The following TRUB2 variants were observed in gnomAD, a reference collection of about 807,000 sequenced individuals.
TRUB2 encodes the protein pseudouridylate synthase TRUB2, mitochondrial.
TRUB2 carries 31 observed loss-of-function variants against 31.9 expected under a neutral mutation model. The ratio of observed to expected loss-of-function variants is 0.97; its 90% CI spans 0.73 to 1.31. The LOEUF is 1.31. TRUB2 is among the 50% of genes most tolerant of loss of function. The pLI is 0.00. For synonymous variants in TRUB2, 201 were observed against 182.6 expected (o/e 1.10, Z -0.81); for missense variants, 451 against 439.6 (o/e 1.03, Z -0.23).
chr9:128,315,408 GTTA>G (rs548616078), intron 4 of TRUB2, among the ~76,000 whole-genome samples, 156 bp downstream of exon 4: 137 of 152,202 alleles, frequency 9.0e-4, no homozygotes, highest in Non-Finnish European at 1.7e-3. Flanking sequence ...AGTTATTATT[GTTA>G]TTATTATTAC....
intron 4 of TRUB2, 79 bp from the exon 5 acceptor site, chr9:128,313,968 G>T: frequency 7.3e-7 from 1 of 1,375,722 alleles, no homozygotes; most frequent in Non-Finnish European, 1.0e-6. Flanking sequence ...AGCTGGGGGT[G>T]GGGGGTCCTC....
chr9:128,314,714 C>T (rs548889529), intron 4 of TRUB2, among the ~76,000 whole-genome samples: 4 of 152,086 alleles, frequency 2.6e-5, no homozygotes, highest in Admixed American at 1.3e-4. Flanking sequence ...CCACTGAGCC[C>T]GGCCACAATT....
chr9:128,322,138 G>A (rs191954437), intron 1 of TRUB2, among the ~76,000 whole-genome samples, 162 bp downstream of exon 1: 13 of 152,352 alleles, frequency 8.5e-5, no homozygotes, highest in Admixed American at 3.3e-4. Context: ...TCGGAAAACA[G>A]AGGAAAGTGA....
chr9:128,318,342 C>T (rs1000453421), intron 2 of TRUB2, among the ~76,000 whole-genome samples: 10 of 151,894 alleles, frequency 6.6e-5, no homozygotes, highest in Admixed American at 2.0e-4. Flanking sequence ...CAGAGCAAGA[C>T]TCTGTCAAAT....
intron 4 of TRUB2, 30 bp downstream of exon 4, chr9:128,315,537 G>T (rs2131449516): frequency 1.2e-6 from 2 of 1,608,606 alleles, no homozygotes; most frequent in Non-Finnish European, 1.7e-6. Flanking sequence ...AGGACCAAGG[G>T]AGAAGCAGGC....
At chr9:128,315,503 A>C (rs1308632898) in intron 4 of TRUB2, 64 bp downstream of exon 4, 1 of 1,544,710 alleles carries the variant, frequency 6.5e-7, no homozygotes, top group Non-Finnish European at 8.8e-7. Flanking sequence ...TAAGCTTCAG[A>C]ATCCTGCTGG....
At chr9:128,315,961 T>A (rs188587542) in intron 3 of TRUB2, 91 of 327,776 alleles carry the variant, frequency 2.8e-4, no homozygotes, top group Admixed American at 1.6e-3. Context: ...CAGCTCTGAG[T>A]ATAATCTTTA....
rs1467836442 is a variant in TRUB2 at position 128,308,056 on chromosome 9, CCT to C, written c.*1492_*1493del. On this transcript the variant is annotated 3_prime_UTR_variant, in exon 8 of 8. Transcript: ENST00000372890. The stretch of plus-strand genomic sequence containing the variant: ...ACCAGCCTGGCCAACATGGTGAAAC[CCT>C]GTCTCTACTAAAAATACAAAAATTA... 2 of 151,922 alleles carry C rather than the reference CCT, an allele frequency of 1.3e-5. No individual in the cohort carries two copies. Among genetic ancestry groups the C allele is most frequent in the Non-Finnish European group, 2.9e-5 (2 of 68,062 alleles). The allele number at this position is 151,922 out of a possible 1,614,324, so 9.4% of individuals were successfully genotyped here.
At chr9:128,311,413 G>C (rs1246532925) in intron 6 of TRUB2, 116 bp downstream of exon 6, 2 of 1,067,924 alleles carry the variant, frequency 1.9e-6, no homozygotes, top group East Asian at 2.4e-5. Context: ...GGTAGCTCCC[G>C]TCTGGTTCTG....
At chr9:128,317,303 G>A (rs1414919175) in intron 2 of TRUB2, 77 bp from the exon 3 acceptor site, 14 of 1,390,574 alleles carry the variant, frequency 1.0e-5, no homozygotes, top group African/African-American at 8.6e-5. Context: ...TGTTGACCTC[G>A]TTCTCAGAAT....
chr9:128,316,986 G>A (rs1218472363), intron 3 of TRUB2, 166 bp downstream of exon 3: 7 of 601,206 alleles, frequency 1.2e-5, no homozygotes, highest in African/African-American at 3.7e-5. Flanking sequence ...GATTACCTCC[G>A]TCCCACCTAT....
Position 128,313,840 on chromosome 9 carries a change from T to G in TRUB2, c.428A>C (p.Glu143Ala). The change falls in exon 5 of 8, where the codon GAG becomes GCG. Residue 143 changes from glutamate (E) to alanine (A), a missense_variant. Coordinates refer to ENST00000372890, the MANE Select transcript of TRUB2 (RefSeq NM_015679.3). The part of the protein sequence containing the change: ...LLGKATDDFR[E>A]DGRLVEKTTY... ...TGTCTTCTCTACCAGCCTCCCGTCC[T>G]CACGGAAGTCATCTGTAGCTTTGCC... 1 of 1,614,238 alleles carries G rather than the reference T, an allele frequency of 6.2e-7. No homozygotes were observed. The highest frequency in any genetic ancestry group is 2.2e-5 in the East Asian group (1 of 44,878).
intron 2 of TRUB2, among the ~76,000 whole-genome samples, chr9:128,317,766 C>T (rs1473192928): frequency 6.6e-6 from 1 of 152,184 alleles, no homozygotes; most frequent in African/African-American, 2.4e-5. Flanking sequence ...AGTTTTCTCC[C>T]TTGTGAAATG....
At position 128,322,428 on chromosome 9, in the gene TRUB2, C is replaced by G; in HGVS notation, c.-20G>C. 1.2e-6 allele frequency: 2 copies of G among 1,613,202 alleles called. No individual in the cohort carries two copies. The highest frequency in any genetic ancestry group is 1.7e-6 in the Non-Finnish European group (2 of 1,179,300). On this transcript the variant is annotated 5_prime_UTR_variant, in exon 1 of 8. Coordinates refer to ENST00000372890, the MANE Select transcript of TRUB2 (RefSeq NM_015679.3). The stretch of plus-strand genomic sequence containing the variant: ...CCCCATACTTGAAGATCACAGCACC[C>G]GCTGGACCTGGACGGAAGTACCGCC...
chr9:128,313,648 T>G (rs1372062380), intron 5 of TRUB2, among the ~76,000 whole-genome samples, 160 bp downstream of exon 5: 1 of 147,972 alleles, frequency 6.8e-6, no homozygotes, highest in African/African-American at 2.5e-5. Flanking sequence ...AGCAGGGGAG[T>G]AGAGGATGCT....
chr9:128,310,219 G>C (rs1406451216), intron 7 of TRUB2, among the ~76,000 whole-genome samples: 2 of 151,862 alleles, frequency 1.3e-5, no homozygotes, highest in Admixed American at 1.3e-4. Context: ...TCAGCCTCCG[G>C]AGTAGCTGGG....
chr9:128,309,697 G>A lies in TRUB2; in HGVS notation c.849C>T (p.Ile283=). Residue 283 remains isoleucine (I), a synonymous_variant, in exon 8 of 8, where the codon ATC becomes ATT. Coordinates refer to ENST00000372890, the MANE Select transcript of TRUB2 (RefSeq NM_015679.3). ...CAGCTACCTGAGGGGTAGCAGCCCG[G>A]ATAGCATCCTGGATGTTGGTTAGGT... ...QWDLTNIQDA[I]RAATPQVAAE... is the part of the protein sequence containing the mutation. 6.2e-7 allele frequency: 1 copy of A among 1,614,228 alleles called. No homozygotes were observed. The highest frequency in any genetic ancestry group is 8.5e-7 in the Non-Finnish European group (1 of 1,180,048).
At position 128,322,401 on chromosome 9, in the gene TRUB2, G is replaced by A. The variant is rs1168012912; in HGVS notation, c.8C>T (p.Ser3Phe). Residue 3 changes from serine (S) to phenylalanine (F), a missense_variant, in exon 1 of 8, where the codon TCT (serine) becomes TTT (phenylalanine). Transcript: ENST00000372890. MG[S>F]AGLSRLHGLF... ...CCCATGCAGCCGCGACAAGCCAGCA[G>A]ACCCCATACTTGAAGATCACAGCAC... The A allele has an allele frequency of 3.7e-6, 6 of 1,614,152 alleles. No individual in the cohort carries two copies. The highest frequency in any genetic ancestry group is 1.1e-5 in the South Asian group (1 of 91,084).
Position 128,308,159 on chromosome 9 carries a change from G to T in TRUB2, c.*1391C>A, listed in dbSNP as rs1211872121. The stretch of plus-strand genomic sequence containing the variant: ...GCAGGAGAATCGCTTGAACCTGGGA[G>T]GCAGAGGTTGCAGTGAGCTGAGATT... On this transcript the variant is annotated 3_prime_UTR_variant, in exon 8 of 8. Coordinates refer to ENST00000372890, the MANE Select transcript of TRUB2 (RefSeq NM_015679.3). The T allele has an allele frequency of 6.6e-6, 1 of 151,594 alleles. No individual in the cohort carries two copies. The highest frequency in any genetic ancestry group is 6.6e-5 in the Admixed American group (1 of 15,144). 9.4% of individuals were successfully genotyped at this position (151,594 alleles called of 1,614,324 possible). A position where few individuals can be genotyped will look rare whatever the true frequency, so the allele number is the denominator to read the frequency against.
Sources: allele counts gnomAD v4.1 joint callset (sites outside exome capture counted in the v4.1 genomes callset), GRCh38; gene constraint gnomAD v4.1.1; transcripts MANE v1.5; gene names NCBI Gene and HGNC (gene_info 2026-07-23, HGNC 2026-07-21).